Variants in BARD1 observed in about 807,000 individuals in gnomAD.
BARD1 encodes the protein BRCA1 associated RING domain 1, also known as BRCA1-associated RING domain protein 1.
BARD1 carries 73 observed loss-of-function variants against 77.0 expected under a neutral mutation model. The observed-to-expected ratio is 0.95, with a 90% CI of 0.79 to 1.15. BARD1 has a LOEUF of 1.15. BARD1 is among the 50% of genes most tolerant of loss of function. The pLI is 0.00. For missense variants in BARD1, 993 were observed against 938.8 expected, an observed-to-expected ratio of 1.06 and a Z score of -0.75; for synonymous variants, 384 against 338.0, an observed-to-expected ratio of 1.14 and a Z score of -1.49.
intron 9 of BARD1, among the ~76,000 whole-genome samples, chr2:214,736,108 T>A (rs1057415548): frequency 2.0e-5 from 3 of 152,072 alleles, no homozygotes; most frequent in Non-Finnish European, 4.4e-5. Context: ...ATAAAAATTA[T>A]ACTCTAAAAA....
chr2:214,749,782 CT>C (rs55884068), intron 7 of BARD1, among the ~76,000 whole-genome samples: 1,792 of 147,214 alleles, frequency 0.012, 34 homozygotes, highest in African/African-American at 0.037. Flanking sequence ...AAAAAACAAC[CT>C]TTTTTTTTTT....
At position 214,728,623 on chromosome 2, in the gene BARD1, G is replaced by C. The variant is rs1692185780; in HGVS notation, c.*53C>G. ...GAACATTAAAAACAGTACAATGACT[G>C]GGCTCTCACAAACCGTGCAAATTCA... On this transcript the variant is annotated 3_prime_UTR_variant, in exon 11 of 11. Transcript: ENST00000260947. The C allele has an allele frequency of 5.2e-6, 8 of 1,544,064 alleles. No individual in the cohort carries two copies. Among genetic ancestry groups the C allele is most frequent in the Non-Finnish European group, 6.2e-6 (7 of 1,121,526 alleles).
chr2:214,786,043 A>G (rs2106121680), intron 3 of BARD1, among the ~76,000 whole-genome samples: 1 of 152,098 alleles, frequency 6.6e-6, no homozygotes, highest in African/African-American at 2.4e-5. Flanking sequence ...TACCTACATT[A>G]CAGAACCAAA....
chr2:214,796,868 T>C, intron 2 of BARD1, 193 bp downstream of exon 2: 3 of 594,084 alleles, frequency 5.0e-6, no homozygotes, highest in Admixed American at 6.0e-5. Flanking sequence ...GTCATCCTCT[T>C]TGAGCTTTGG....
rs866585925 is a variant in BARD1 at position 214,757,576 on chromosome 2, A to G, written c.1569-5021T>C. On this transcript the variant is annotated intron_variant, in intron 6 of 10. Transcript: ENST00000260947. ...TATATATATTGCATATATCAGAAGT[A>G]GCAATAATCGTTTATTTATTTAACA... 7.9e-5 allele frequency among the ~76,000 whole-genome samples: 12 copies of G among 152,338 alleles called. No homozygotes were observed. The Middle Eastern group carries it at 0.017, about 216-fold the overall frequency.
intron 2 of BARD1, among the ~76,000 whole-genome samples, chr2:214,793,653 T>C (rs531618666): frequency 2.0e-5 from 3 of 152,338 alleles, no homozygotes; most frequent in African/African-American, 7.2e-5. Context: ...GTTATTTAAG[T>C]TACTTGTCCA....
At chr2:214,729,053 G>A in intron 10 of BARD1, 45 bp from the exon 11 acceptor site, 1 of 1,573,292 alleles carries the variant, frequency 6.4e-7, no homozygotes, top group Non-Finnish European at 8.7e-7. Context: ...TCAAAATACT[G>A]TATTCAAAAA....
chr2:214,727,784 AC>A lies in BARD1; in HGVS notation c.*891del, dbSNP rs1389643113. On this transcript the variant is annotated 3_prime_UTR_variant, in exon 11 of 11. Transcript: ENST00000260947. The stretch of plus-strand genomic sequence containing the variant: ...TCCTTTTACAAAGGAAGAAATTAAG[AC>A]CTTCAAAATTATTTTACAAATACCA... The A allele has an allele frequency of 1.8e-5, 4 of 226,374 alleles. No homozygotes were observed. Among genetic ancestry groups the A allele is most frequent in the Non-Finnish European group, 3.5e-5 (4 of 113,820 alleles). The allele number at this position is 226,374 out of a possible 1,614,324, so 14.0% of individuals were successfully genotyped here. A position where few individuals can be genotyped will look rare whatever the true frequency, so the allele number is the denominator to read the frequency against.
intron 6 of BARD1, among the ~76,000 whole-genome samples, chr2:214,765,455 T>C (rs1310903723): frequency 1.3e-5 from 2 of 152,158 alleles, no homozygotes; most frequent in African/African-American, 4.8e-5. Flanking sequence ...GCATCACCCA[T>C]GTTTTATAGG....
At chr2:214,797,665 G>A (rs1194413501) in intron 1 of BARD1, among the ~76,000 whole-genome samples, 2 of 151,902 alleles carry the variant, frequency 1.3e-5, no homozygotes, top group Non-Finnish European at 1.5e-5. Flanking sequence ...AAGAATCCAA[G>A]GTTTCCCAAT....
chr2:214,728,669 A>G lies in BARD1; in HGVS notation c.*7T>C, dbSNP rs1692187832. 4 of 1,613,716 alleles carry G rather than the reference A, an allele frequency of 2.5e-6. No individual in the cohort carries two copies. The highest frequency in any genetic ancestry group is 2.2e-5 in the East Asian group (1 of 44,874). ...ATTCAATTTGAAATGTTCATCTGGT[A>G]TAATATTCAGCTGTCAAGAGGAAGC... On this transcript the variant is annotated 3_prime_UTR_variant, in exon 11 of 11. Coordinates refer to ENST00000260947, the MANE Select transcript of BARD1 (RefSeq NM_000465.4).
chr2:214,783,796 T>TG (rs1695149004), intron 3 of BARD1, among the ~76,000 whole-genome samples: 1 of 152,126 alleles, frequency 6.6e-6, no homozygotes, highest in Non-Finnish European at 1.5e-5. Context: ...TAAATGATGT[T>TG]GGGAAAACTG....
At chr2:214,769,775 T>C (rs906030720) in intron 4 of BARD1, among the ~76,000 whole-genome samples, 2 of 152,096 alleles carry the variant, frequency 1.3e-5, no homozygotes, top group African/African-American at 4.8e-5. Flanking sequence ...TGTCTGCGTA[T>C]AAATTATTCT....
chr2:214,757,028 G>A (rs777273620), intron 6 of BARD1, among the ~76,000 whole-genome samples: 22 of 152,044 alleles, frequency 1.4e-4, no homozygotes, highest in Admixed American at 5.2e-4. Context: ...GCACCTCCTC[G>A]CCTCTTCCTC....
At chr2:214,798,363 ACT>A (rs1323668244) in intron 1 of BARD1, among the ~76,000 whole-genome samples, 1 of 152,084 alleles carries the variant, frequency 6.6e-6, no homozygotes, top group Admixed American at 6.6e-5. Flanking sequence ...ATGACTTGTG[ACT>A]CTGCCAATAA....
rs28997575 is a variant in BARD1 at position 214,780,778 on chromosome 2, GTGGTGAAGAACATTCAGGCAA to G, written c.1075_1095del (p.Leu359_Pro365del). On this transcript the variant is annotated inframe_deletion, in exon 4 of 11. Coordinates refer to ENST00000260947, the MANE Select transcript of BARD1 (RefSeq NM_000465.4). ...CCACCAACTTTACGTTTGCATGAAG[GTGGTGAAGAACATTCAGGCAA>G]TGGTATATTTTCTGAGGGCACCGTT... The G allele has an allele frequency of 0.023, 37,063 of 1,614,032 alleles. 759 individuals carry two copies. Among genetic ancestry groups the G allele is most frequent in the South Asian group, 0.072 (6,536 of 91,076 alleles).
At chr2:214,795,876 C>T (rs150512142) in intron 2 of BARD1, among the ~76,000 whole-genome samples, 8 of 152,234 alleles carry the variant, frequency 5.3e-5, no homozygotes, top group Non-Finnish European at 8.8e-5. Flanking sequence ...TCCAAACAGA[C>T]GTATCTGGTA....
At chr2:214,769,837 G>C (rs1694394911) in intron 4 of BARD1, among the ~76,000 whole-genome samples, 1 of 152,158 alleles carries the variant, frequency 6.6e-6, no homozygotes, top group Non-Finnish European at 1.5e-5. Context: ...AAATCTATTA[G>C]AAAGCCATAT....
intron 10 of BARD1, 56 bp from the exon 11 acceptor site, chr2:214,729,064 C>T: frequency 6.6e-7 from 1 of 1,504,292 alleles, no homozygotes; most frequent in Non-Finnish European, 9.2e-7. Context: ...TATTCAAAAA[C>T]ACTGTATATG....
Sources: gnomAD v4.1 joint callset for allele counts (sites outside exome capture counted in the v4.1 genomes callset) on GRCh38, gnomAD v4.1.1 for gene constraint, MANE v1.5 for transcripts, NCBI Gene and HGNC (gene_info 2026-07-23, HGNC 2026-07-21) for gene names.